Variants in SLX4IP observed in about 807,000 individuals in gnomAD.
SLX4IP encodes protein SLX4IP.
SLX4IP carries 34 observed loss-of-function variants against 32.9 expected under a neutral mutation model. That is an observed-to-expected ratio of 1.03 (90% CI 0.79 to 1.38). The LOEUF (loss-of-function observed/expected upper bound fraction) is 1.38, where lower values mean the gene tolerates loss of function less well. Among genes scored for constraint, SLX4IP ranks in the 40% most tolerant of loss-of-function variants. SLX4IP has a pLI of 0.00. For synonymous variants in SLX4IP, 172 were observed against 171.7 expected, an observed-to-expected ratio of 1.00 and a Z score of -0.01; for missense variants, 444 against 479.0, an observed-to-expected ratio of 0.93 and a Z score of 0.68.
intron 6 of SLX4IP, among the ~76,000 whole-genome samples, chr20:10,612,228 CT>C (rs943864120): frequency 1.3e-5 from 2 of 152,206 alleles, no homozygotes; most frequent in Non-Finnish European, 2.9e-5. Flanking sequence ...TCCAAAGTTG[CT>C]TCCTACACCT....
chr20:10,474,668 A>ACT (rs914183943), intron 2 of SLX4IP, among the ~76,000 whole-genome samples: 1 of 152,172 alleles, frequency 6.6e-6, no homozygotes, highest in Non-Finnish European at 1.5e-5. Context: ...GAGCCTCTCC[A>ACT]CTTCCGCCGG....
At chr20:10,544,018 T>G (rs2066137368) in intron 2 of SLX4IP, among the ~76,000 whole-genome samples, 1 of 152,186 alleles carries the variant, frequency 6.6e-6, no homozygotes, top group African/African-American at 2.4e-5. Context: ...AAGTGCAGCA[T>G]CATTTCTGTC....
At position 10,460,979 on chromosome 20, in the gene SLX4IP, T is replaced by G. The variant is rs77418163; in HGVS notation, c.27+2748T>G. 5.9e-3 allele frequency among the ~76,000 whole-genome samples: 894 copies of G among 152,370 alleles called. 15 individuals are homozygous for G. Among genetic ancestry groups the G allele is most frequent in the Admixed American group, 0.031 (477 of 15,314 alleles). ...TGGGATAAAATGTATGTCTTCAATT[T>G]GATGGCTCAAGTCATCAGTTTTGGA... On this transcript the variant is annotated intron_variant, in intron 2 of 7. Coordinates refer to ENST00000334534, the MANE Select transcript of SLX4IP (RefSeq NM_001009608.3).
intron 2 of SLX4IP, among the ~76,000 whole-genome samples, chr20:10,524,172 A>T (rs558125950): frequency 6.6e-6 from 1 of 152,202 alleles, no homozygotes; most frequent in Non-Finnish European, 1.5e-5. Flanking sequence ...TGCAGGCCTC[A>T]TGGGGTTTGT....
chr20:10,548,715 T>C (rs140233010), intron 2 of SLX4IP, among the ~76,000 whole-genome samples: 1,636 of 152,334 alleles, frequency 0.011, 32 homozygotes, highest in African/African-American at 0.037. Flanking sequence ...GAAAGAGTGC[T>C]TTTAAATTTC....
intron 6 of SLX4IP, among the ~76,000 whole-genome samples, chr20:10,611,152 G>A (rs987177818): frequency 6.6e-6 from 1 of 152,096 alleles, no homozygotes; most frequent in Non-Finnish European, 1.5e-5. Context: ...ATTATTATAT[G>A]CCCCCCAAAT....
chr20:10,517,345 A>G (rs1466014946), intron 2 of SLX4IP, among the ~76,000 whole-genome samples: 2 of 152,220 alleles, frequency 1.3e-5, no homozygotes, highest in Non-Finnish European at 2.9e-5. Context: ...CAGATTGAAG[A>G]CAAAGAATGG....
At chr20:10,490,831 AG>A (rs1481111030) in intron 2 of SLX4IP, among the ~76,000 whole-genome samples, 1 of 152,084 alleles carries the variant, frequency 6.6e-6, no homozygotes, top group Non-Finnish European at 1.5e-5. Flanking sequence ...TCTGGTGGTG[AG>A]AGCCAGTTTG....
chr20:10,468,181 T>G (rs538759296), intron 2 of SLX4IP, among the ~76,000 whole-genome samples: 30 of 152,326 alleles, frequency 2.0e-4, no homozygotes, highest in African/African-American at 6.7e-4. Flanking sequence ...AAATGATGTC[T>G]CGTCCTTCAT....
At chr20:10,500,685 G>A (rs1176425422) in intron 2 of SLX4IP, among the ~76,000 whole-genome samples, 1 of 152,130 alleles carries the variant, frequency 6.6e-6, no homozygotes, top group Non-Finnish European at 1.5e-5. Flanking sequence ...CCAGGAGGTC[G>A]AGGCTGCATG....
At chr20:10,502,986 C>A (rs2065732188) in intron 2 of SLX4IP, among the ~76,000 whole-genome samples, 1 of 152,192 alleles carries the variant, frequency 6.6e-6, no homozygotes, top group South Asian at 2.1e-4. Flanking sequence ...CTCATGTTAT[C>A]TTTCTTGCTA....
At position 10,621,318 on chromosome 20, in the gene SLX4IP, A is replaced by G. The variant is rs200353708; in HGVS notation, c.410A>G (p.Glu137Gly). ...CTTTGTTATCTTTTGGAGTAGACAGAAAGAGTTCTCCATGGAGTGTCTGAT... is the reference window on the plus strand; with the variant it reads ...CTTTGTTATCTTTTGGAGTAGACAGGAAGAGTTCTCCATGGAGTGTCTGAT... The part of the protein sequence containing the change: ...LLASQNEDLT[E>G]RVLHGVSDYF... The change falls in exon 7 of 8, where the codon GAA (glutamate) becomes GGA (glycine). Residue 137 changes from glutamate to glycine, a missense_variant. By Grantham distance (98) the Glu-to-Gly change is moderately conservative. Coordinates refer to ENST00000334534, the MANE Select transcript of SLX4IP (RefSeq NM_001009608.3). The G allele has an allele frequency of 6.5e-5, 105 of 1,613,700 alleles. 1 individual carries two copies. Among genetic ancestry groups the G allele is most frequent in the Non-Finnish European group, 6.1e-5 (72 of 1,179,702 alleles).
chr20:10,439,134 A>G (rs1331492300), intron 1 of SLX4IP, among the ~76,000 whole-genome samples: 2 of 152,140 alleles, frequency 1.3e-5, no homozygotes, highest in East Asian at 3.9e-4. Context: ...ATTGATGGAC[A>G]TTTGGTTTGT....
At chr20:10,554,248 C>G (rs2066246357) in intron 2 of SLX4IP, among the ~76,000 whole-genome samples, 2 of 152,164 alleles carry the variant, frequency 1.3e-5, no homozygotes, top group Admixed American at 1.3e-4. Flanking sequence ...TTTGCTCAAC[C>G]TAATGTTTTT....
chr20:10,595,198 G>A (rs1486560735), intron 4 of SLX4IP, among the ~76,000 whole-genome samples: 1 of 152,004 alleles, frequency 6.6e-6, no homozygotes, highest in African/African-American at 2.4e-5. Flanking sequence ...GCACATACCT[G>A]CAGACGCCTG....
At chr20:10,462,811 T>C (rs1241866316) in intron 2 of SLX4IP, among the ~76,000 whole-genome samples, 4 of 152,224 alleles carry the variant, frequency 2.6e-5, no homozygotes, top group African/African-American at 7.2e-5. Flanking sequence ...TGATCCTTTC[T>C]TCCCCATCAT....
intron 4 of SLX4IP, among the ~76,000 whole-genome samples, chr20:10,598,293 G>A (rs2066797468): frequency 6.6e-6 from 1 of 152,164 alleles, no homozygotes; most frequent in Non-Finnish European, 1.5e-5. Flanking sequence ...ATTTTAGATA[G>A]AGTCTCGCTC....
chr20:10,625,687 G>A lies in SLX4IP; in HGVS notation c.*2308G>A, dbSNP rs2067164022. The A allele has an allele frequency of 6.6e-6, 1 of 152,278 alleles. No homozygotes were observed. Among genetic ancestry groups the A allele is most frequent in the East Asian group, 1.9e-4 (1 of 5,184 alleles). The allele number at this position is 152,278 out of a possible 1,614,324, so 9.4% of individuals were successfully genotyped here. A position where few individuals can be genotyped will look rare whatever the true frequency, so the allele number is the denominator to read the frequency against. On this transcript the variant is annotated 3_prime_UTR_variant, in exon 8 of 8. Transcript: ENST00000334534. The stretch of plus-strand genomic sequence containing the variant: ...TTACTGTGATCGAAGAGAAAAAATA[G>A]CACCTTTGGTTGTAGATAGATGTAG...
chr20:10,465,600 G>A (rs145263510), intron 2 of SLX4IP, among the ~76,000 whole-genome samples: 2 of 152,214 alleles, frequency 1.3e-5, no homozygotes, highest in Non-Finnish European at 2.9e-5. Flanking sequence ...CTGCCTCCCA[G>A]GTTCAAGTGA....
Sources: gnomAD v4.1 joint callset for allele counts (sites outside exome capture counted in the v4.1 genomes callset) on GRCh38, gnomAD v4.1.1 for gene constraint, MANE v1.5 for transcripts, NCBI Gene and HGNC (gene_info 2026-07-23, HGNC 2026-07-21) for gene names.